The following SLC4A4 variants were observed in gnomAD, a reference collection of about 807,000 sequenced individuals.
SLC4A4 encodes electrogenic sodium bicarbonate cotransporter 1.
A neutral mutation model predicts 111.5 loss-of-function variants in SLC4A4; 27 were observed. That is an observed-to-expected ratio of 0.24 (90% CI 0.18 to 0.33). The LOEUF is 0.33. Among genes scored for constraint, SLC4A4 ranks in the 10% least tolerant of loss-of-function variants. SLC4A4 has a pLI of 1.00. For missense variants in SLC4A4, 909 were observed against 1,315.5 expected (o/e 0.69, Z 4.78); for synonymous variants, 443 against 463.4 (o/e 0.96, Z 0.57).
intron 2 of SLC4A4, among the ~76,000 whole-genome samples, chr4:71,167,905 A>G (rs1744825432): frequency 6.6e-6 from 1 of 152,048 alleles, no homozygotes; most frequent in Admixed American, 6.6e-5. Flanking sequence ...ACTTCTCTCT[A>G]TCTTCAGTCC....
intron 20 of SLC4A4, among the ~76,000 whole-genome samples, chr4:71,553,855 C>T (rs796540378): frequency 6.6e-6 from 1 of 151,872 alleles, no homozygotes; most frequent in African/African-American, 2.4e-5. Context: ...AACATCATCC[C>T]TCCTACCCCC....
chr4:71,254,405 CTTTT>C (rs940944333), intron 2 of SLC4A4, among the ~76,000 whole-genome samples: 42 of 152,166 alleles, frequency 2.8e-4, no homozygotes, highest in African/African-American at 9.9e-4. Flanking sequence ...ATTTCACAAT[CTTTT>C]TTCCTCATGC....
intron 1 of SLC4A4, among the ~76,000 whole-genome samples, chr4:71,227,577 G>A (rs142992933): frequency 9.9e-5 from 15 of 152,226 alleles, no homozygotes; most frequent in African/African-American, 3.1e-4. Flanking sequence ...TCCCTTTCCC[G>A]TGATTGTCCT....
At chr4:71,547,898 C>T (rs975642160) in intron 20 of SLC4A4, among the ~76,000 whole-genome samples, 178 bp downstream of exon 20, 1 of 151,904 alleles carries the variant, frequency 6.6e-6, no homozygotes, top group Non-Finnish European at 1.5e-5. Context: ...TTCCTTCTCA[C>T]TCTTTCATCC....
chr4:71,177,203 A>C (rs1745122776), intron 2 of SLC4A4, among the ~76,000 whole-genome samples: 2 of 152,198 alleles, frequency 1.3e-5, no homozygotes, highest in African/African-American at 4.8e-5. Flanking sequence ...AGGAATAACC[A>C]GTACCAGCCA....
chr4:71,098,636 G>A (rs527821293), intron 2 of SLC4A4, among the ~76,000 whole-genome samples: 4 of 151,972 alleles, frequency 2.6e-5, no homozygotes, highest in African/African-American at 7.3e-5. Flanking sequence ...GAATATGAAC[G>A]CATTAAATGT....
chr4:71,185,793 G>A (rs1002689477), upstream of SLC4A4, among the ~76,000 whole-genome samples: 1 of 151,812 alleles, frequency 6.6e-6, no homozygotes, highest in Non-Finnish European at 1.5e-5. Context: ...TTCTCTTGGA[G>A]GTCCTATAAG....
intron 1 of SLC4A4, among the ~76,000 whole-genome samples, chr4:71,089,960 T>TAC (rs1742329685): frequency 2.0e-5 from 2 of 102,190 alleles, no homozygotes; most frequent in Non-Finnish European, 4.5e-5. Flanking sequence ...GAGAATTCTG[T>TAC]TGCCTTTTGT....
chr4:71,266,632 C>T (rs1196424498), intron 3 of SLC4A4, among the ~76,000 whole-genome samples: 1 of 151,866 alleles, frequency 6.6e-6, no homozygotes, highest in Non-Finnish European at 1.5e-5. Context: ...TTTTTTCTGG[C>T]CAGAAAGCCA....
At chr4:71,178,570 T>C (rs1190829238) in intron 2 of SLC4A4, among the ~76,000 whole-genome samples, 2 of 152,174 alleles carry the variant, frequency 1.3e-5, no homozygotes, top group African/African-American at 2.4e-5. Flanking sequence ...GAGAATACTA[T>C]AAACACCTTT....
At chr4:71,249,439 C>G (rs1468787150) in intron 2 of SLC4A4, among the ~76,000 whole-genome samples, 2 of 151,990 alleles carry the variant, frequency 1.3e-5, no homozygotes, top group African/African-American at 4.8e-5. Flanking sequence ...TGGTTTACCC[C>G]CTGGTAACTG....
chr4:71,288,407 AT>A lies in SLC4A4; in HGVS notation c.253+33020del, dbSNP rs112503573. On this transcript the variant is annotated intron_variant, in intron 3 of 25. Transcript: ENST00000264485. ...TCAGAGAACAAATATAGGGTAGGGG[AT>A]TTTTTTTTTTTACAGAGTTTCACAC... Among the ~76,000 whole-genome samples the A allele has an allele frequency of 7.0e-4, 102 of 145,682 alleles. 2 individuals carry two copies. In the South Asian group the frequency reaches 0.012, roughly 17 times the overall value.
At chr4:71,486,262 G>GT (rs1343563696) in intron 14 of SLC4A4, among the ~76,000 whole-genome samples, 25 of 151,282 alleles carry the variant, frequency 1.7e-4, no homozygotes, top group African/African-American at 5.6e-4. Flanking sequence ...TTTAAATACT[G>GT]TTTTTTAATT....
At chr4:71,271,801 G>T (rs1722719046) in intron 3 of SLC4A4, among the ~76,000 whole-genome samples, 1 of 152,124 alleles carries the variant, frequency 6.6e-6, no homozygotes, top group Admixed American at 6.5e-5. Context: ...CATTTGCTGG[G>T]TGCCTATTAT....
chr4:71,395,543 G>A (rs148830546), intron 6 of SLC4A4, among the ~76,000 whole-genome samples: 10 of 152,164 alleles, frequency 6.6e-5, no homozygotes, highest in Non-Finnish European at 1.3e-4. Context: ...TCAGAAATGC[G>A]AAGAATGATG....
chr4:71,364,667 A>C (rs1316529616), intron 6 of SLC4A4, among the ~76,000 whole-genome samples: 1 of 152,174 alleles, frequency 6.6e-6, no homozygotes, highest in Non-Finnish European at 1.5e-5. Context: ...ATCACTTTAC[A>C]AAGGCTTCAC....
intron 2 of SLC4A4, among the ~76,000 whole-genome samples, chr4:71,158,120 TG>T (rs1744525459): frequency 6.6e-6 from 1 of 151,444 alleles, no homozygotes. Context: ...TGTGTGTGTG[TG>T]TGTGTGTGTG....
intron 2 of SLC4A4, among the ~76,000 whole-genome samples, chr4:71,177,285 AC>A (rs1745125808): frequency 6.6e-6 from 1 of 152,186 alleles, no homozygotes; most frequent in Non-Finnish European, 1.5e-5. Flanking sequence ...GAGCAAAATA[AC>A]CAGCTAACAT....
At chr4:71,449,683 A>G (rs545601397) in intron 9 of SLC4A4, among the ~76,000 whole-genome samples, 65 of 152,360 alleles carry the variant, frequency 4.3e-4, no homozygotes, top group African/African-American at 1.5e-3. Flanking sequence ...GACTTAGGTT[A>G]TATGTAAAGA....
Sources: gnomAD v4.1 joint callset for allele counts (sites outside exome capture counted in the v4.1 genomes callset) on GRCh38, gnomAD v4.1.1 for gene constraint, MANE v1.5 for transcripts, NCBI Gene and HGNC (gene_info 2026-07-23, HGNC 2026-07-21) for gene names.